HIPK1: variants seen among roughly 807,000 people sequenced by gnomAD.
The protein encoded by HIPK1 is homeodomain-interacting protein kinase 1.
In HIPK1, 28 loss-of-function variants were observed where a neutral mutation model predicts 117.1. The observed-to-expected ratio is 0.24, with a 90% CI of 0.18 to 0.33. The LOEUF (loss-of-function observed/expected upper bound fraction) is 0.33, where lower values mean the gene tolerates loss of function less well. Among genes scored for constraint, HIPK1 ranks in the 10% least tolerant of loss-of-function variants. The pLI is 1.00. For missense variants in HIPK1, 1,122 were observed against 1,475.1 expected (o/e 0.76, Z 3.92); for synonymous variants, 605 against 562.5 (o/e 1.08, Z -1.07).
chr1:113,969,890 G>T, intron 13 of HIPK1, 66 bp from the exon 14 acceptor site: 1 of 1,578,176 alleles, frequency 6.3e-7, no homozygotes, highest in South Asian at 1.1e-5. Flanking sequence ...CTGGGTGACA[G>T]AACAAGACGC....
chr1:113,950,231 AC>A (rs1198148469), intron 2 of HIPK1, among the ~76,000 whole-genome samples: 1 of 152,100 alleles, frequency 6.6e-6, no homozygotes, highest in African/African-American at 2.4e-5. Flanking sequence ...CTGCACATAT[AC>A]ACAAAACAAC....
In HIPK1 at chr1:113,969,903, TCACA is replaced by T. The variant is rs1672706797; in HGVS notation, c.2772-46_2772-43del. ...GCCTGGGTGACAGAACAAGACGCTG[TCACA>T]CACACAAAAAAGAACAATTCAATTT... On this transcript the variant is annotated intron_variant, in intron 13 of 15. Transcript: ENST00000426820. 1.9e-6 allele frequency: 3 copies of T among 1,601,846 alleles called. No individual in the cohort carries two copies. In the Admixed American group the frequency reaches 5.0e-5, roughly 27 times the overall value.
chr1:113,940,141 C>G (rs1436548237), intron 1 of HIPK1, among the ~76,000 whole-genome samples: 1 of 152,014 alleles, frequency 6.6e-6, no homozygotes, highest in Non-Finnish European at 1.5e-5. Flanking sequence ...ATGTGGTAGA[C>G]AATTGAATGC....
At chr1:113,937,478 C>T (rs1670329483) in intron 1 of HIPK1, among the ~76,000 whole-genome samples, 1 of 151,350 alleles carries the variant, frequency 6.6e-6, no homozygotes, top group East Asian at 1.9e-4. Flanking sequence ...AAAAAAAAAT[C>T]AAGGATCGAG....
intron 1 of HIPK1, among the ~76,000 whole-genome samples, chr1:113,937,574 A>G (rs1670336026): frequency 1.3e-5 from 2 of 152,164 alleles, no homozygotes; most frequent in East Asian, 3.8e-4. Flanking sequence ...CAAATAATTC[A>G]TCCAACAGAT....
At position 113,973,010 on chromosome 1, in the gene HIPK1, C is replaced by T. The variant is rs756851412; in HGVS notation, c.3145-14C>T. On this transcript the variant is annotated splice_polypyrimidine_tract_variant and intron_variant, in intron 15 of 15. Coordinates refer to ENST00000426820, the MANE Select transcript of HIPK1 (RefSeq NM_198268.3). ...TGACCTCAGGATTCCTCACTTCTTC[C>T]TTCTTTCTTCCAGAACCAGCAGTCA... 1.7e-5 allele frequency: 25 copies of T among 1,512,740 alleles called. No homozygotes were observed. In the South Asian group the frequency reaches 2.7e-4, roughly 16 times the overall value. 93.7% of individuals were successfully genotyped at this position (1,512,740 alleles called of 1,614,324 possible). A position where few individuals can be genotyped will look rare whatever the true frequency, so the allele number is the denominator to read the frequency against.
At chr1:113,934,066 T>C (rs1670090040) in intron 1 of HIPK1, among the ~76,000 whole-genome samples, 1 of 152,156 alleles carries the variant, frequency 6.6e-6, no homozygotes, top group African/African-American at 2.4e-5. Context: ...TGTATCAGAG[T>C]ATGTGATAGA....
At position 113,973,143 on chromosome 1, in the gene HIPK1, C is replaced by T. The variant is rs981013852; in HGVS notation, c.3264C>T (p.Ser1088=). 1.2e-5 allele frequency: 20 copies of T among 1,602,232 alleles called. No homozygotes were observed. Among genetic ancestry groups the T allele is most frequent in the Non-Finnish European group, 1.6e-5 (19 of 1,174,110 alleles). ...SQAPYTFQHG[S]PLHSTGHPHL... ...CCCCCTACACCTTCCAGCATGGCAG[C>T]CCGCTACACTCGACAGGGCACCCAC... Residue 1088 remains serine (S), a synonymous_variant, in exon 16 of 16, where the codon AGC becomes AGT. Coordinates refer to ENST00000426820, the MANE Select transcript of HIPK1 (RefSeq NM_198268.3).
chr1:113,964,950 T>C (rs1316579365), intron 10 of HIPK1, among the ~76,000 whole-genome samples: 3 of 152,286 alleles, frequency 2.0e-5, no homozygotes, highest in Non-Finnish European at 2.9e-5. Context: ...TCTTGCTTTG[T>C]ATTAAACTAC....
intron 5 of HIPK1, among the ~76,000 whole-genome samples, chr1:113,956,067 A>G (rs1318875151): frequency 1.1e-5 from 1 of 91,826 alleles, no homozygotes; most frequent in African/African-American, 4.4e-5. Context: ...TACTTGTTCC[A>G]TTTTTTTTTT....
intron 2 of HIPK1, among the ~76,000 whole-genome samples, chr1:113,949,539 A>G (rs1350248220): frequency 1.3e-5 from 2 of 151,986 alleles, no homozygotes; most frequent in Non-Finnish European, 2.9e-5. Flanking sequence ...TCCATCAGTA[A>G]TATGTGCCTC....
Position 113,941,526 on chromosome 1 carries a change from C to A in HIPK1, c.1076+67C>A. The A allele has an allele frequency of 8.4e-7, 1 of 1,191,952 alleles. No homozygotes were observed. The highest frequency in any genetic ancestry group is 1.2e-6 in the Non-Finnish European group (1 of 834,672). The allele number at this position is 1,191,952 out of a possible 1,614,324, so 73.8% of individuals were successfully genotyped here. ...CTGTCCTTATATTTAACATATACCC[C>A]GTAGGCTACATATAGCAATGAATTT... On this transcript the variant is annotated intron_variant, in intron 2 of 15. Transcript: ENST00000426820. This position sits in a 1 kb window ranked among gnomAD's most constrained non-coding sequence, Gnocchi z 4.9.
chr1:113,933,698 C>T (rs1670052507), intron 1 of HIPK1, among the ~76,000 whole-genome samples: 1 of 151,912 alleles, frequency 6.6e-6, no homozygotes, highest in African/African-American at 2.4e-5. Flanking sequence ...AACCCTGTCT[C>T]TACAAAAAAT....
chr1:113,963,272 T>G, intron 9 of HIPK1, 115 bp from the exon 10 acceptor site: 1 of 1,204,896 alleles, frequency 8.3e-7, no homozygotes, highest in Non-Finnish European at 1.2e-6. Context: ...GCATTTTAGA[T>G]GCTATCAAAT....
intron 2 of HIPK1, 23 bp from the exon 3 acceptor site, chr1:113,952,743 C>A (rs567511511): frequency 3.0e-6 from 4 of 1,348,812 alleles, no homozygotes; most frequent in Non-Finnish European, 1.9e-6. Context: ...TTTTTTTAAT[C>A]TGATATTTTT....
chr1:113,958,036 A>G lies in HIPK1; in HGVS notation c.1756-30A>G, dbSNP rs1199004679. 8 of 1,437,826 alleles carry G rather than the reference A, an allele frequency of 5.6e-6. No homozygotes were observed. The African/African-American group carries it at 5.6e-5, about 10-fold the overall frequency. 89.1% of individuals were successfully genotyped at this position (1,437,826 alleles called of 1,614,324 possible). A position where few individuals can be genotyped will look rare whatever the true frequency, so the allele number is the denominator to read the frequency against. Reference sequence around the variant, plus strand: ...TTATTGTGTGTCTCTACTTAATACAAGTGTACAAATATAATCCTTTTGTTT... The same window carrying G: ...TTATTGTGTGTCTCTACTTAATACAGGTGTACAAATATAATCCTTTTGTTT... On this transcript the variant is annotated intron_variant, in intron 7 of 15. Transcript: ENST00000426820.
chr1:113,967,721 C>A, intron 11 of HIPK1, 45 bp from the exon 12 acceptor site: 1 of 1,360,916 alleles, frequency 7.3e-7, no homozygotes, highest in Non-Finnish European at 9.8e-7. Context: ...CCTGATTCTT[C>A]AGTGGTTTTG....
At chr1:113,947,466 C>G (rs1671061404) in intron 2 of HIPK1, among the ~76,000 whole-genome samples, 1 of 152,196 alleles carries the variant, frequency 6.6e-6, no homozygotes, top group Non-Finnish European at 1.5e-5. Context: ...AATATAGTTT[C>G]ACCTAAGCCA....
In HIPK1 at chr1:113,973,432, A is replaced by G; in HGVS notation, c.3553A>G (p.Ile1185Val). The G allele has an allele frequency of 2.5e-6, 4 of 1,613,948 alleles. No individual in the cohort carries two copies. Among genetic ancestry groups the G allele is most frequent in the Non-Finnish European group, 3.4e-6 (4 of 1,179,936 alleles). ...YQHQFATQSY[I>V]GSSRGSTIYT... is the part of the protein sequence containing the mutation. Reference sequence around the variant, plus strand: ...ACACCAGTTTGCCACCCAATCCTACATTGGGTCTTCCCGAGGCTCAACAAT... The same window carrying G: ...ACACCAGTTTGCCACCCAATCCTACGTTGGGTCTTCCCGAGGCTCAACAAT... The change falls in exon 16 of 16, where the codon ATT (isoleucine) becomes GTT (valine). Residue 1185 changes from isoleucine to valine, a missense_variant. Transcript: ENST00000426820.
Sources: gnomAD v4.1 joint callset for allele counts (sites outside exome capture counted in the v4.1 genomes callset) on GRCh38, gnomAD v4.1.1 for gene constraint, Gnocchi (gnomAD v3.1) non-coding constraint, MANE v1.5 for transcripts, NCBI Gene and HGNC (gene_info 2026-07-23, HGNC 2026-07-21) for gene names.